KPNA4: variants seen among roughly 807,000 people sequenced by gnomAD.
KPNA4 encodes importin subunit alpha-3.
KPNA4 carries 13 observed loss-of-function variants against 71.3 expected under a neutral mutation model. The observed-to-expected ratio is 0.18, with a 90% CI of 0.12 to 0.29. The LOEUF is 0.29. KPNA4 is among the 10% of genes least tolerant of loss of function. KPNA4 has a pLI of 1.00. For synonymous variants in KPNA4, 189 were observed against 195.2 expected, an observed-to-expected ratio of 0.97 and a Z score of 0.26; for missense variants, 334 against 603.2, an observed-to-expected ratio of 0.55 and a Z score of 4.67.
In KPNA4 at chr3:160,535,682, G is replaced by T. The variant is rs775908599; in HGVS notation, c.213C>A (p.Thr71=). ...DIDGDYRVQN[T]SLEAIVQNAS... ...TTACTTGAACAATAGCTTCTAGAGA[G>T]GTATTTTGCTGGGAAAAAAGTTAAA... Residue 71 remains threonine (T), a synonymous_variant, in exon 4 of 17, where the codon ACC becomes ACA. Coordinates refer to ENST00000334256, the MANE Select transcript of KPNA4 (RefSeq NM_002268.5). The T allele has an allele frequency of 2.6e-6, 4 of 1,567,202 alleles. No individual in the cohort carries two copies. Among genetic ancestry groups the T allele is most frequent in the Middle Eastern group, 3.4e-4 (2 of 5,914 alleles).
chr3:160,548,217 T>C (rs928369655), intron 1 of KPNA4, among the ~76,000 whole-genome samples: 50 of 152,276 alleles, frequency 3.3e-4, no homozygotes, highest in Admixed American at 1.4e-3. Context: ...TTTTTTTTTG[T>C]TGTTGTTGGT....
At chr3:160,518,280 C>T (rs1440378295) in intron 11 of KPNA4, among the ~76,000 whole-genome samples, 4 of 151,782 alleles carry the variant, frequency 2.6e-5, no homozygotes, top group Admixed American at 6.5e-5. Context: ...GGACTACAGG[C>T]GCCCGCTACC....
intron 10 of KPNA4, 54 bp downstream of exon 10, chr3:160,525,746 C>A: frequency 1.7e-6 from 2 of 1,164,842 alleles, no homozygotes; most frequent in Non-Finnish European, 2.3e-6. Context: ...ACAGGGGAAG[C>A]CCTAGAAATA....
chr3:160,495,996 G>C lies in KPNA4; in HGVS notation c.*6108C>G, dbSNP rs1166190712. The C allele has an allele frequency of 6.8e-6, 1 of 146,662 alleles. No individual in the cohort carries two copies. Among genetic ancestry groups the C allele is most frequent in the East Asian group, 2.1e-4 (1 of 4,744 alleles). The allele number at this position is 146,662 out of a possible 1,614,324, so 9.1% of individuals were successfully genotyped here. A position where few individuals can be genotyped will look rare whatever the true frequency, so the allele number is the denominator to read the frequency against. ...GATATTAGATTACTGTACCTAAAAA[G>C]AGTAAAATGGTGGCCAGGCGGTGGC... On this transcript the variant is annotated 3_prime_UTR_variant, in exon 17 of 17. Coordinates refer to ENST00000334256, the MANE Select transcript of KPNA4 (RefSeq NM_002268.5).
intron 5 of KPNA4, 45 bp downstream of exon 5, chr3:160,535,466 CCT>C (rs1560051525): frequency 1.4e-6 from 2 of 1,423,440 alleles, no homozygotes; most frequent in African/African-American, 2.8e-5. Flanking sequence ...AAATAGAACC[CCT>C]GTGTAAGTTG....
At chr3:160,531,667 T>C (rs1341816766) in intron 5 of KPNA4, 110 bp from the exon 6 acceptor site, 1 of 496,206 alleles carries the variant, frequency 2.0e-6, no homozygotes, top group Non-Finnish European at 3.5e-6. Context: ...TTGGTACAAG[T>C]GCCTTCTCTG....
chr3:160,521,174 A>C (rs984830080), intron 11 of KPNA4, among the ~76,000 whole-genome samples: 5 of 151,780 alleles, frequency 3.3e-5, no homozygotes, highest in Non-Finnish European at 7.4e-5. Flanking sequence ...GGCAAGGAAG[A>C]AAAAAAAAGA....
intron 13 of KPNA4, among the ~76,000 whole-genome samples, chr3:160,510,565 T>C (rs1243689947): frequency 6.6e-6 from 1 of 152,132 alleles, no homozygotes; most frequent in Non-Finnish European, 1.5e-5. Flanking sequence ...TTATGATGTA[T>C]TAAAAAACCA....
rs749758688 is a variant in KPNA4, at chr3:160,535,912, A to AAC, written c.115-16_115-15insGT. ...TCTCTTTTATTCTTAAAAAAAAAAAAAAAAAAAAAAAAACCAAACAGAGAA... is the reference window on the plus strand; with the variant it reads ...TCTCTTTTATTCTTAAAAAAAAAAAAACAAAAAAAAAAAAACCAAACAGAGAA... On this transcript the variant is annotated splice_polypyrimidine_tract_variant and intron_variant, in intron 2 of 16. Coordinates refer to ENST00000334256, the MANE Select transcript of KPNA4 (RefSeq NM_002268.5). The AAC allele has an allele frequency of 2.8e-5, 31 of 1,095,558 alleles. No homozygotes were observed. The African/African-American group carries it at 4.6e-4, about 16-fold the overall frequency. The allele number at this position is 1,095,558 out of a possible 1,614,324, so 67.9% of individuals were successfully genotyped here. A position where few individuals can be genotyped will look rare whatever the true frequency, so the allele number is the denominator to read the frequency against.
chr3:160,565,166 GC>G (rs761762202), intron 1 of KPNA4, 47 bp downstream of exon 1: 2 of 1,492,746 alleles, frequency 1.3e-6, no homozygotes, highest in African/African-American at 1.4e-5. Flanking sequence ...GCGGAGACCG[GC>G]CCCAGGCCCA....
intron 7 of KPNA4, among the ~76,000 whole-genome samples, chr3:160,530,398 G>C (rs1293990324): frequency 6.6e-6 from 1 of 151,930 alleles, no homozygotes; most frequent in Non-Finnish European, 1.5e-5. Context: ...AGGGTCTCTT[G>C]AGCCTGGGAG....
chr3:160,504,868 C>T lies in KPNA4; in HGVS notation c.1467+90G>A, dbSNP rs865939281. On this transcript the variant is annotated intron_variant, in intron 16 of 16. Transcript: ENST00000334256. ...TTTAATTCCATTCCAAACAAATACA[C>T]ATGTATGTCCCCCAGCTTACTATAT... 38 of 474,474 alleles carry T rather than the reference C, an allele frequency of 8.0e-5. No individual in the cohort carries two copies. In the Middle Eastern group the frequency reaches 1.8e-3, roughly 22 times the overall value. The allele number at this position is 474,474 out of a possible 1,614,324, so 29.4% of individuals were successfully genotyped here. A position where few individuals can be genotyped will look rare whatever the true frequency, so the allele number is the denominator to read the frequency against.
intron 10 of KPNA4, among the ~76,000 whole-genome samples, chr3:160,523,375 G>A (rs1463773132): frequency 2.6e-5 from 4 of 151,798 alleles, no homozygotes; most frequent in African/African-American, 4.8e-5. Context: ...TAAAAAAATC[G>A]TAAAACTGTA....
At chr3:160,549,115 G>A (rs1018850411) in intron 1 of KPNA4, among the ~76,000 whole-genome samples, 16 of 152,058 alleles carry the variant, frequency 1.1e-4, no homozygotes, top group African/African-American at 1.9e-4. Flanking sequence ...AGCCTTTTGC[G>A]CATTTTAAAA....
At chr3:160,509,894 C>G (rs189179013) in intron 13 of KPNA4, 23 bp from the exon 14 acceptor site, 137 of 1,560,350 alleles carry the variant, frequency 8.8e-5, no homozygotes, top group Non-Finnish European at 7.9e-6. Flanking sequence ...AAAACAAAGG[C>G]TATAAAAATT....
At chr3:160,543,181 T>A (rs1321143740) in intron 1 of KPNA4, among the ~76,000 whole-genome samples, 1 of 152,140 alleles carries the variant, frequency 6.6e-6, no homozygotes, top group South Asian at 2.1e-4. Flanking sequence ...CCAGGATGAT[T>A]TCCTAGTATA....
chr3:160,500,921 A>C lies in KPNA4; in HGVS notation c.*1183T>G, dbSNP rs1408663495. On this transcript the variant is annotated 3_prime_UTR_variant, in exon 17 of 17. Coordinates refer to ENST00000334256, the MANE Select transcript of KPNA4 (RefSeq NM_002268.5). ...CAGCACGGTATTCTACCACAACTGAAACTTTTTTCTTCTTCTTCTTTACAG... is the reference window on the plus strand; with the variant it reads ...CAGCACGGTATTCTACCACAACTGACACTTTTTTCTTCTTCTTCTTTACAG... The C allele has an allele frequency of 1.3e-5, 2 of 152,636 alleles. No individual in the cohort carries two copies. The highest frequency in any genetic ancestry group is 2.9e-5 in the Non-Finnish European group (2 of 68,038). The allele number at this position is 152,636 out of a possible 1,614,324, so 9.5% of individuals were successfully genotyped here.
rs1309661432 is a variant in KPNA4, at chr3:160,565,289, G to A, written c.-7C>T. On this transcript the variant is annotated 5_prime_UTR_variant, in exon 1 of 17. Coordinates refer to ENST00000334256, the MANE Select transcript of KPNA4 (RefSeq NM_002268.5). ...GTTTCTCGTTGTCCGCCATGGCCGG[G>A]CCGGTGACTCCTTCCCCCGCCCGGG... 1 of 1,595,786 alleles carries A rather than the reference G, an allele frequency of 6.3e-7. No individual in the cohort carries two copies.
At chr3:160,506,279 G>A (rs543951050) in intron 15 of KPNA4, among the ~76,000 whole-genome samples, 8 of 151,494 alleles carry the variant, frequency 5.3e-5, no homozygotes, top group Admixed American at 2.0e-4. Context: ...AATGATTCTC[G>A]TGCCTCAGCC....
Sources: gnomAD v4.1 joint callset for allele counts (sites outside exome capture counted in the v4.1 genomes callset) on GRCh38, gnomAD v4.1.1 for gene constraint, MANE v1.5 for transcripts, NCBI Gene and HGNC (gene_info 2026-07-23, HGNC 2026-07-21) for gene names.